Variants in DPP6 observed in about 807,000 individuals in gnomAD.
DPP6 encodes the protein dipeptidyl peptidase like 6, also known as A-type potassium channel modulatory protein DPP6.
In DPP6, 69 loss-of-function variants were observed where a neutral mutation model predicts 122.6. That is an observed-to-expected ratio of 0.56 (90% confidence interval 0.46 to 0.69). The LOEUF (loss-of-function observed/expected upper bound fraction) is 0.69. DPP6 is among the 30% of genes least tolerant of loss of function. The pLI, the probability that DPP6 is intolerant of heterozygous loss-of-function variation, is 0.00. For synonymous variants in DPP6, 418 were observed against 433.1 expected (o/e 0.97, Z 0.43); for missense variants, 928 against 1,116.9 (o/e 0.83, Z 2.41).
chr7:154,570,533 G>T (rs1459990901), intron 5 of DPP6, among the ~76,000 whole-genome samples: 1 of 151,978 alleles, frequency 6.6e-6, no homozygotes, highest in Admixed American at 6.6e-5. Context: ...ACCCCTTAGC[G>T]CTATACCAAG....
At chr7:153,884,363 G>A (rs939575757), upstream of DPP6, among the ~76,000 whole-genome samples, 1 of 152,204 alleles carries the variant, frequency 6.6e-6, no homozygotes, top group Non-Finnish European at 1.5e-5. Flanking sequence ...TGGCTGCATA[G>A]TATTCCATGG....
At chr7:154,006,770 G>A (rs1026663543) in intron 1 of DPP6, among the ~76,000 whole-genome samples, 2 of 152,226 alleles carry the variant, frequency 1.3e-5, no homozygotes, top group African/African-American at 2.4e-5. Flanking sequence ...CTATCTGCAC[G>A]CAGGAAGCCC....
At chr7:154,098,492 C>G (rs1383210555) in intron 1 of DPP6, among the ~76,000 whole-genome samples, 1 of 152,078 alleles carries the variant, frequency 6.6e-6, no homozygotes, top group Non-Finnish European at 1.5e-5. Flanking sequence ...AAGTGAGACT[C>G]AGGTCTAGGC....
chr7:154,020,111 A>AC (rs1563106248), intron 1 of DPP6, among the ~76,000 whole-genome samples: 9 of 150,632 alleles, frequency 6.0e-5, no homozygotes, highest in Admixed American at 5.3e-4. Flanking sequence ...CACACACACA[A>AC]ACACACACAC....
intron 1 of DPP6, among the ~76,000 whole-genome samples, chr7:153,990,597 C>T (rs1317816562): frequency 2.0e-5 from 3 of 152,082 alleles, no homozygotes; most frequent in African/African-American, 2.4e-5. Flanking sequence ...CAGGTCTTGG[C>T]CCTCGCCTGC....
the DPP6 span, among the ~76,000 whole-genome samples, chr7:153,843,036 A>ATGCATACACACATGAGTGCATACACGAG: frequency 6.6e-5 from 10 of 151,700 alleles, no homozygotes; most frequent in Non-Finnish European, 1.2e-4. Flanking sequence ...ACACACACAC[A>ATGCATACACACATGAGTGCATACACGAG]TGCATACACA....
chr7:153,862,924 G>A, the DPP6 span, among the ~76,000 whole-genome samples: 2 of 151,978 alleles, frequency 1.3e-5, no homozygotes, highest in Admixed American at 1.3e-4. Context: ...CAATACGTGA[G>A]AAAAGAAATA....
chr7:154,712,930 G>A (rs1841276430), intron 7 of DPP6, among the ~76,000 whole-genome samples: 1 of 152,088 alleles, frequency 6.6e-6, no homozygotes, highest in African/African-American at 2.4e-5. Context: ...AAAAGTCCAA[G>A]TCCAAAGTCT....
chr7:154,405,069 A>C (rs929495674), intron 1 of DPP6, among the ~76,000 whole-genome samples: 8 of 152,242 alleles, frequency 5.3e-5, no homozygotes, highest in Admixed American at 5.2e-4. Flanking sequence ...GCATATATTT[A>C]TATGTATGTG....
At chr7:154,212,730 T>TA (rs1799806156) in intron 1 of DPP6, among the ~76,000 whole-genome samples, 1 of 152,186 alleles carries the variant, frequency 6.6e-6, no homozygotes, top group African/African-American at 2.4e-5. Context: ...TCATCTAGGA[T>TA]AAAATCCTTG....
At chr7:154,076,882 G>A (rs1371839702) in intron 1 of DPP6, among the ~76,000 whole-genome samples, 4 of 151,322 alleles carry the variant, frequency 2.6e-5, no homozygotes, top group South Asian at 2.1e-4. Flanking sequence ...AACAGAAACC[G>A]AAATAGGTCT....
chr7:154,246,982 G>A (rs10280968), intron 1 of DPP6, among the ~76,000 whole-genome samples: 114,598 of 152,160 alleles, frequency 0.75, 44,367 homozygotes, highest in African/African-American at 0.94. Context: ...ACTTTATCAA[G>A]ATAAAAATTT....
In DPP6 at chr7:154,728,183, G is replaced by A. The variant is rs73728222; in HGVS notation, c.883+296G>A. 0.02 allele frequency among the ~76,000 whole-genome samples: 3,069 copies of A among 152,284 alleles called. 95 individuals are homozygous for A. The highest frequency in any genetic ancestry group is 0.068 in the African/African-American group (2,826 of 41,558). ...TTCATCCCTGAAGGGCAGGAGGCTC[G>A]TTAATGGGAGATTTATTATGTCAGG... On this transcript the variant is annotated intron_variant, in intron 8 of 25. Coordinates refer to ENST00000377770, the MANE Select transcript of DPP6 (RefSeq NM_130797.4).
chr7:154,456,715 A>G (rs957142553), intron 2 of DPP6, among the ~76,000 whole-genome samples: 1 of 152,162 alleles, frequency 6.6e-6, no homozygotes, highest in Non-Finnish European at 1.5e-5. Flanking sequence ...ATGTGATCAC[A>G]TGTGTTCTTA....
At chr7:154,109,250 A>G (rs1285316114) in intron 1 of DPP6, among the ~76,000 whole-genome samples, 1 of 152,272 alleles carries the variant, frequency 6.6e-6, no homozygotes, top group African/African-American at 2.4e-5. Flanking sequence ...GCATATGAAA[A>G]TTATACTCTA....
chr7:154,065,857 G>A (rs2150499061), intron 1 of DPP6, among the ~76,000 whole-genome samples: 1 of 152,088 alleles, frequency 6.6e-6, no homozygotes, highest in East Asian at 1.9e-4. Context: ...CTTCTGACTG[G>A]CCTGCATGAG....
At chr7:154,394,548 T>G (rs1814914317) in intron 1 of DPP6, among the ~76,000 whole-genome samples, 1 of 152,130 alleles carries the variant, frequency 6.6e-6, no homozygotes, top group South Asian at 2.1e-4. Context: ...GCCTTTTTAT[T>G]CTATTAATAT....
chr7:153,760,849 C>T, the DPP6 span, among the ~76,000 whole-genome samples: 3 of 152,258 alleles, frequency 2.0e-5, no homozygotes, highest in South Asian at 2.1e-4. Context: ...TTCTCTCATG[C>T]GTGCCCTGTT....
chr7:154,616,763 CG>C (rs1363053135), intron 5 of DPP6, among the ~76,000 whole-genome samples: 1 of 152,098 alleles, frequency 6.6e-6, no homozygotes, highest in Non-Finnish European at 1.5e-5. Flanking sequence ...AAGGAGGAGC[CG>C]TGAGCATTCG....
Sources: allele counts gnomAD v4.1 joint callset (sites outside exome capture counted in the v4.1 genomes callset), GRCh38; gene constraint gnomAD v4.1.1; transcripts MANE v1.5; gene names NCBI Gene and HGNC (gene_info 2026-07-23, HGNC 2026-07-21).